Variants in SYNRG observed in about 807,000 individuals in gnomAD.
The protein encoded by SYNRG is synergin gamma.
A neutral mutation model predicts 130.9 loss-of-function variants in SYNRG; 37 were observed. That is an observed-to-expected ratio of 0.28 (90% CI 0.22 to 0.37). The LOEUF is 0.37. SYNRG is among the 10% of genes least tolerant of loss of function. SYNRG has a pLI of 1.00. For synonymous variants in SYNRG, 539 were observed against 568.1 expected (o/e 0.95, Z 0.73); for missense variants, 1,338 against 1,588.9 (o/e 0.84, Z 2.68).
In SYNRG at chr17:37,535,961, G is replaced by C. The variant is rs190365759; in HGVS notation, c.3666+18C>G. 1 of 1,612,950 alleles carries C rather than the reference G, an allele frequency of 6.2e-7. No individual in the cohort carries two copies. Among genetic ancestry groups the C allele is most frequent in the African/African-American group, 1.3e-5 (1 of 74,930 alleles). On this transcript the variant is annotated intron_variant, in intron 19 of 21. Transcript: ENST00000612223. ...TTCTGGAAAGGAAAGCAACTGCTGAGTTGTCTCATGGGCTTACTGTGAGTG... is the reference window on the plus strand; with the variant it reads ...TTCTGGAAAGGAAAGCAACTGCTGACTTGTCTCATGGGCTTACTGTGAGTG...
chr17:37,595,308 G>C (rs80027550), intron 3 of SYNRG, among the ~76,000 whole-genome samples: 1 of 152,174 alleles, frequency 6.6e-6, no homozygotes, highest in Non-Finnish European at 1.5e-5. Context: ...TTATATACAT[G>C]TGTTACTGTA....
At chr17:37,584,558 T>C in intron 6 of SYNRG, 90 bp downstream of exon 6, 1 of 1,023,208 alleles carries the variant, frequency 9.8e-7, no homozygotes. Flanking sequence ...CATTGACTTT[T>C]CACACACACA....
intron 19 of SYNRG, among the ~76,000 whole-genome samples, chr17:37,523,738 CAGTGGGTCAAGGT>C (rs1405579351): frequency 2.0e-5 from 3 of 152,262 alleles, no homozygotes; most frequent in Middle Eastern, 3.4e-3. Flanking sequence ...CACCAGCACA[CAGTGGGTCAAGGT>C]GGGGGGAGAA....
chr17:37,571,004 A>C, intron 9 of SYNRG, 119 bp from the exon 10 acceptor site: 1 of 1,307,240 alleles, frequency 7.6e-7, no homozygotes, highest in Non-Finnish European at 1.0e-6. Context: ...CCAACTCTCA[A>C]AACTCATGAA....
intron 3 of SYNRG, among the ~76,000 whole-genome samples, chr17:37,594,461 T>TC (rs2062568249): frequency 7.1e-6 from 1 of 141,690 alleles, no homozygotes; most frequent in Middle Eastern, 3.6e-3. Flanking sequence ...CCTTTCTTCT[T>TC]CTTTTTTTTT....
At chr17:37,586,820 CTGAT>C (rs2061728258) in intron 3 of SYNRG, among the ~76,000 whole-genome samples, 1 of 152,122 alleles carries the variant, frequency 6.6e-6, no homozygotes, top group African/African-American at 2.4e-5. Flanking sequence ...TGTTAATACT[CTGAT>C]TGGTGTGTTA....
intron 14 of SYNRG, among the ~76,000 whole-genome samples, chr17:37,550,682 C>T (rs764155980): frequency 7.2e-6 from 1 of 139,484 alleles, no homozygotes; most frequent in Non-Finnish European, 1.5e-5. Flanking sequence ...GAAAAAAAGA[C>T]ATCAGAAAAG....
intron 4 of SYNRG, 44 bp downstream of exon 4, chr17:37,586,375 C>T: frequency 1.2e-6 from 2 of 1,609,524 alleles, no homozygotes; most frequent in South Asian, 1.1e-5. Context: ...AAGATAGATG[C>T]TATAATGTAT....
intron 15 of SYNRG, 130 bp downstream of exon 15, chr17:37,541,842 G>A (rs2057790168): frequency 1.1e-6 from 1 of 875,426 alleles, no homozygotes; most frequent in Non-Finnish European, 1.7e-6. Flanking sequence ...ATCTGTAATT[G>A]ACCCTGATTT....
intron 19 of SYNRG, among the ~76,000 whole-genome samples, chr17:37,523,062 T>C (rs2055342832): frequency 6.6e-6 from 1 of 152,216 alleles, no homozygotes; most frequent in Non-Finnish European, 1.5e-5. Flanking sequence ...TAAATAACCC[T>C]GAAAGCTAGA....
intron 5 of SYNRG, 148 bp from the exon 6 acceptor site, chr17:37,584,907 A>G: frequency 1.6e-6 from 1 of 614,442 alleles, no homozygotes; most frequent in Non-Finnish European, 2.8e-6. Context: ...TCAGCAAGAC[A>G]TTGGTAAATG....
intron 11 of SYNRG, among the ~76,000 whole-genome samples, chr17:37,562,507 C>G (rs2059613988): frequency 6.6e-6 from 1 of 152,134 alleles, no homozygotes; most frequent in African/African-American, 2.4e-5. Context: ...ATACCATGCA[C>G]AAGTTATATA....
chr17:37,546,576 T>C (rs1360862201), intron 14 of SYNRG, among the ~76,000 whole-genome samples: 1 of 152,176 alleles, frequency 6.6e-6, no homozygotes. Context: ...TCAAATCTCT[T>C]TTGAATAGAT....
chr17:37,552,219 G>T (rs1486533976), intron 14 of SYNRG, among the ~76,000 whole-genome samples: 1 of 152,104 alleles, frequency 6.6e-6, no homozygotes, highest in East Asian at 1.9e-4. Flanking sequence ...GAATAATACA[G>T]TGATACTGAG....
At chr17:37,593,860 G>A (rs2062431707) in intron 3 of SYNRG, among the ~76,000 whole-genome samples, 1 of 149,802 alleles carries the variant, frequency 6.7e-6, no homozygotes, top group South Asian at 2.1e-4. Flanking sequence ...CTCCAGCCTG[G>A]GCAACAAAAC....
chr17:37,591,760 G>A (rs994501325), intron 3 of SYNRG, among the ~76,000 whole-genome samples: 3 of 152,174 alleles, frequency 2.0e-5, no homozygotes, highest in African/African-American at 7.2e-5. Context: ...GGTAAAAAGA[G>A]AGAGATAAAA....
intron 19 of SYNRG, among the ~76,000 whole-genome samples, chr17:37,531,862 A>T (rs1243668517): frequency 6.6e-6 from 1 of 152,162 alleles, no homozygotes; most frequent in South Asian, 2.1e-4. Context: ...CAAGCCCTGT[A>T]GTAACACTTC....
intron 6 of SYNRG, among the ~76,000 whole-genome samples, chr17:37,582,827 C>T (rs989654994): frequency 2.0e-5 from 3 of 151,844 alleles, no homozygotes; most frequent in African/African-American, 4.8e-5. Context: ...TGTCACCGCA[C>T]TAGGGCAATA....
At chr17:37,581,296 G>T (rs1039338710) in intron 6 of SYNRG, among the ~76,000 whole-genome samples, 5 of 143,068 alleles carry the variant, frequency 3.5e-5, no homozygotes, top group Non-Finnish European at 4.6e-5. Context: ...TTATTATTAT[G>T]ATACTGGGTC....
Sources: gnomAD v4.1 joint callset for allele counts (sites outside exome capture counted in the v4.1 genomes callset) on GRCh38, gnomAD v4.1.1 for gene constraint, MANE v1.5 for transcripts, NCBI Gene and HGNC (gene_info 2026-07-23, HGNC 2026-07-21) for gene names.